KCNH7: variants seen among roughly 807,000 people sequenced by gnomAD.
KCNH7 encodes potassium voltage-gated channel subfamily H member 7.
In KCNH7, 49 loss-of-function variants were observed where a neutral mutation model predicts 120.8. That is an observed-to-expected ratio of 0.41 (90% confidence interval 0.32 to 0.51). The LOEUF is 0.51. Among genes scored for constraint, KCNH7 ranks in the 20% least tolerant of loss-of-function variants. The pLI, the probability that KCNH7 is intolerant of heterozygous loss-of-function variation, is 0.38. For missense variants in KCNH7, 1,097 were observed against 1,446.6 expected (o/e 0.76, Z 3.92); for synonymous variants, 547 against 516.1 (o/e 1.06, Z -0.81).
At chr2:162,709,028 G>A (rs1465085981) in intron 2 of KCNH7, among the ~76,000 whole-genome samples, 1 of 152,192 alleles carries the variant, frequency 6.6e-6, no homozygotes, top group East Asian at 1.9e-4. Flanking sequence ...TTATGATGGA[G>A]AGAAGTGGGG....
chr2:162,435,873 G>A (rs1270292113), intron 7 of KCNH7, among the ~76,000 whole-genome samples: 2 of 152,030 alleles, frequency 1.3e-5, no homozygotes, highest in Admixed American at 1.3e-4. Flanking sequence ...CCTTGCATAA[G>A]TCCTCAGTGA....
chr2:162,690,080 G>A (rs773127236), intron 2 of KCNH7, among the ~76,000 whole-genome samples: 3 of 152,110 alleles, frequency 2.0e-5, no homozygotes, highest in Non-Finnish European at 2.9e-5. Flanking sequence ...TTCTTTGCAG[G>A]GACATAGATG....
chr2:162,798,797 AT>A (rs546692389), intron 2 of KCNH7, among the ~76,000 whole-genome samples: 4 of 151,472 alleles, frequency 2.6e-5, no homozygotes, highest in South Asian at 2.1e-4. Context: ...TTTTACACTA[AT>A]TTTTTTCCTT....
chr2:162,726,914 A>T (rs578136153), intron 2 of KCNH7, among the ~76,000 whole-genome samples: 1 of 152,194 alleles, frequency 6.6e-6, no homozygotes, highest in African/African-American at 2.4e-5. Context: ...ACACTGATTC[A>T]TTCTAATGGG....
intron 2 of KCNH7, among the ~76,000 whole-genome samples, chr2:162,774,392 G>A (rs957545999): frequency 6.6e-6 from 1 of 152,142 alleles, no homozygotes; most frequent in African/African-American, 2.4e-5. Flanking sequence ...GAAGGAATTG[G>A]ATAGAAACAT....
intron 11 of KCNH7, among the ~76,000 whole-genome samples, chr2:162,395,852 C>T (rs1686897860): frequency 6.6e-6 from 1 of 151,586 alleles, no homozygotes; most frequent in African/African-American, 2.4e-5. Flanking sequence ...GTTAAATCTA[C>T]CCCCTCTTAC....
At chr2:162,752,207 T>C (rs940789115) in intron 2 of KCNH7, among the ~76,000 whole-genome samples, 1 of 152,144 alleles carries the variant, frequency 6.6e-6, no homozygotes, top group Non-Finnish European at 1.5e-5. Flanking sequence ...TTAGCCTAGG[T>C]CAGAGACTTA....
At chr2:162,681,139 CAA>C (rs1251440807) in intron 2 of KCNH7, among the ~76,000 whole-genome samples, 2 of 143,854 alleles carry the variant, frequency 1.4e-5, no homozygotes, top group Admixed American at 6.9e-5. Context: ...TTTATTAAAA[CAA>C]GAGAGGCAAA....
At position 162,412,563 on chromosome 2, in the gene KCNH7, C is replaced by G. The variant is rs540469622; in HGVS notation, c.2154+10773G>C. Among the ~76,000 whole-genome samples the G allele has an allele frequency of 4.6e-5, 7 of 152,240 alleles. No individual in the cohort carries two copies. The East Asian group carries it at 1.2e-3, about 25-fold the overall frequency. ...AGAAAAATGGCCAGCTACTGACAAA[C>G]ATTAGTGACCTGCTCCTGGCAAACA... On this transcript the variant is annotated intron_variant, in intron 9 of 15. Transcript: ENST00000332142.
intron 6 of KCNH7, among the ~76,000 whole-genome samples, chr2:162,470,637 C>T (rs1689488144): frequency 6.6e-6 from 1 of 150,398 alleles, no homozygotes; most frequent in Non-Finnish European, 1.5e-5. Flanking sequence ...GGTCAGCCCC[C>T]CGCCCGGCCA....
chr2:162,504,507 T>G lies in KCNH7; in HGVS notation c.1064A>C (p.Asp355Ala). 1 of 1,613,190 alleles carries G rather than the reference T, an allele frequency of 6.2e-7. No individual in the cohort carries two copies. The highest frequency in any genetic ancestry group is 8.5e-7 in the Non-Finnish European group (1 of 1,179,412). The change falls in exon 6 of 16, where the codon GAT becomes GCT. Residue 355 changes from aspartate to alanine, a missense_variant. By Grantham distance (126) the Asp-to-Ala change is moderately radical. This residue lies in a region of KCNH7 where 362 missense variants were observed against 372.2 expected (regional missense o/e 0.97). Transcript: ENST00000332142. ...AACCTTGGGTGCAATAATGGTTTTA[T>G]CTGAAGAAGGAGGTGATGAATTCTT... ...EKKNSSPPSS[D>A]KTIIAPKVKD...
Position 162,809,933 on chromosome 2 carries a change from TGAGACGGA to T in KCNH7, c.307+26596_307+26603del, listed in dbSNP as rs1310827059. ...TCTTTTTTTTTTTTTTTTTTTTTTT[TGAGACGGA>T]GTCTCGCTCTGTCGCCCAGGCTGGA... is the stretch of plus-strand genomic sequence containing the variant. On this transcript the variant is annotated intron_variant, in intron 2 of 15. Coordinates refer to ENST00000332142, the MANE Select transcript of KCNH7 (RefSeq NM_033272.4). Among the ~76,000 whole-genome samples the T allele has an allele frequency of 1.0e-4, 2 of 19,432 alleles. 1 individual carries two copies. The highest frequency in any genetic ancestry group is 2.9e-4 in the Non-Finnish European group (2 of 6,826). 12.7% of individuals were successfully genotyped at this position (19,432 alleles called of 152,430 possible).
chr2:162,684,643 A>G (rs1442679495), intron 2 of KCNH7, among the ~76,000 whole-genome samples: 1 of 152,192 alleles, frequency 6.6e-6, no homozygotes, highest in African/African-American at 2.4e-5. Context: ...CAAAACCACA[A>G]TGAGATGCCA....
rs374010076 is a variant in KCNH7 at position 162,628,702 on chromosome 2, T to C, written c.308-91622A>G. 8.5e-5 allele frequency among the ~76,000 whole-genome samples: 13 copies of C among 152,186 alleles called. No homozygotes were observed. The East Asian group carries it at 2.1e-3, about 25-fold the overall frequency. On this transcript the variant is annotated intron_variant, in intron 2 of 15. Coordinates refer to ENST00000332142, the MANE Select transcript of KCNH7 (RefSeq NM_033272.4). ...CGTAAGAACATGCAGTATTTGTTTTTTTTGTTGTTGTTGCTGTGTCAGTTT... is the reference window on the plus strand; with the variant it reads ...CGTAAGAACATGCAGTATTTGTTTTCTTTGTTGTTGTTGCTGTGTCAGTTT...
chr2:162,471,635 A>C (rs1436539044), intron 6 of KCNH7, among the ~76,000 whole-genome samples: 1 of 152,266 alleles, frequency 6.6e-6, no homozygotes, highest in Admixed American at 6.5e-5. Context: ...GATAGGAAGA[A>C]TAATATCATG....
intron 2 of KCNH7, among the ~76,000 whole-genome samples, chr2:162,567,824 C>T (rs1294113350): frequency 1.3e-5 from 2 of 151,888 alleles, no homozygotes; most frequent in South Asian, 4.1e-4. Flanking sequence ...ACAATGTTTC[C>T]ATCAATGAAA....
intron 6 of KCNH7, among the ~76,000 whole-genome samples, chr2:162,477,637 T>C (rs1356673946): frequency 7.2e-5 from 11 of 152,202 alleles, no homozygotes; most frequent in Non-Finnish European, 1.3e-4. Context: ...TCTACAAAAA[T>C]ATTTTGTTCT....
intron 2 of KCNH7, among the ~76,000 whole-genome samples, chr2:162,726,934 A>C (rs545465397): frequency 6.6e-6 from 1 of 152,336 alleles, no homozygotes; most frequent in South Asian, 2.1e-4. Flanking sequence ...GAAGTGGTAC[A>C]TAAGAACTAC....
intron 2 of KCNH7, among the ~76,000 whole-genome samples, chr2:162,581,600 G>T (rs1364306095): frequency 1.2e-5 from 1 of 86,294 alleles, no homozygotes; most frequent in East Asian, 3.7e-4. Flanking sequence ...ATTCTTTTAA[G>T]ATTTTTTTTA....
Sources: gnomAD v4.1 joint callset for allele counts (sites outside exome capture counted in the v4.1 genomes callset) on GRCh38, gnomAD v4.1.1 for gene constraint, gnomAD v4.1.1 regional missense constraint, MANE v1.5 for transcripts, NCBI Gene and HGNC (gene_info 2026-07-23, HGNC 2026-07-21) for gene names.